The following SLC44A3 variants were observed in gnomAD, a reference collection of about 807,000 sequenced individuals.
The protein encoded by SLC44A3 is choline transporter-like protein 3.
SLC44A3 carries 74 observed loss-of-function variants against 75.4 expected under a neutral mutation model. The observed-to-expected ratio is 0.98, with a 90% confidence interval of 0.81 to 1.19. The LOEUF (loss-of-function observed/expected upper bound fraction) is 1.19. Among genes scored for constraint, SLC44A3 ranks in the 50% most tolerant of loss-of-function variants. SLC44A3 has a pLI of 0.00. For synonymous variants in SLC44A3, 310 were observed against 296.9 expected (o/e 1.04, Z -0.45); for missense variants, 700 against 778.6 (o/e 0.90, Z 1.20).
intron 9 of SLC44A3, among the ~76,000 whole-genome samples, chr1:94,846,662 T>A (rs1287412621): frequency 6.6e-6 from 1 of 152,262 alleles, no homozygotes; most frequent in Non-Finnish European, 1.5e-5. Flanking sequence ...ACTGTCCAGA[T>A]CTTTTCTAAC....
At chr1:94,823,700 T>G (rs950791820) in intron 2 of SLC44A3, among the ~76,000 whole-genome samples, 7 of 152,244 alleles carry the variant, frequency 4.6e-5, no homozygotes, top group African/African-American at 1.7e-4. Flanking sequence ...GAATAGTGTA[T>G]TATATCTGTT....
Position 94,867,362 on chromosome 1 carries a change from G to A in SLC44A3, c.1427G>A (p.Arg476Gln), listed in dbSNP as rs142020864. The change falls in exon 12 of 15, where the codon CGA becomes CAA. Residue 476 changes from arginine (R) to glutamine (Q), a missense_variant. By Grantham distance (43) the Arg-to-Gln change is conservative. Coordinates refer to ENST00000271227, the MANE Select transcript of SLC44A3 (RefSeq NM_001114106.3). ...QHGALSRYLF[R>Q]CCYCCFWCLD... ...GGTGCATTGTCCAGGTACCTGTTCCGATGCTGCTACTGCTGTTTCTGGTGT... is the reference window on the plus strand; with the variant it reads ...GGTGCATTGTCCAGGTACCTGTTCCAATGCTGCTACTGCTGTTTCTGGTGT... 226 of 1,602,262 alleles carry A rather than the reference G, an allele frequency of 1.4e-4. 1 individual carries two copies. The African/African-American group carries it at 2.2e-3, about 15-fold the overall frequency.
chr1:94,888,450 G>A (rs1669838622), intron 12 of SLC44A3, among the ~76,000 whole-genome samples: 1 of 152,012 alleles, frequency 6.6e-6, no homozygotes, highest in African/African-American at 2.4e-5. Flanking sequence ...TGGTCATCAG[G>A]GCTTTGAAAA....
intron 12 of SLC44A3, chr1:94,888,613 C>T: frequency 1.0e-6 from 1 of 977,556 alleles, no homozygotes; most frequent in African/African-American, 1.8e-5. Flanking sequence ...TATGTAAGTC[C>T]AAAACCAAAA....
At chr1:94,892,186 A>T in intron 13 of SLC44A3, 95 bp from the exon 14 acceptor site, 1 of 1,132,138 alleles carries the variant, frequency 8.8e-7, no homozygotes, top group South Asian at 1.5e-5. Flanking sequence ...CACACGTTGC[A>T]CACAGGAACG....
chr1:94,844,441 G>A (rs1036438030), intron 8 of SLC44A3, among the ~76,000 whole-genome samples: 1 of 152,160 alleles, frequency 6.6e-6, no homozygotes. Context: ...AAAGCACAGA[G>A]GAATAGGAGA....
chr1:94,891,181 A>G lies in SLC44A3; in HGVS notation c.1534A>G (p.Lys512Glu). Residue 512 changes from lysine to glutamate, a missense_variant, in exon 13 of 15, where the codon AAA (lysine) becomes GAA (glutamate). Physicochemically the swap from Lys to Glu is moderately conservative, Grantham distance 56. Coordinates refer to ENST00000271227, the MANE Select transcript of SLC44A3 (RefSeq NM_001114106.3). ...TGGGACAGATTTCTGTACATCAGCA[A>G]AAGATGCATTCAAAATCTTGTCCAA... Reference protein sequence around the residue: ...INGTDFCTSAKDAFKILSKNS... With the variant: ...INGTDFCTSAEDAFKILSKNS... The G allele has an allele frequency of 1.2e-6, 2 of 1,613,578 alleles. No individual in the cohort carries two copies.
intron 1 of SLC44A3, 101 bp downstream of exon 1, chr1:94,820,579 G>A: frequency 7.0e-7 from 1 of 1,426,702 alleles, no homozygotes; most frequent in South Asian, 1.4e-5. Flanking sequence ...CGCCTTTCCC[G>A]CGCCTCGGGG....
chr1:94,882,018 T>TAA (rs148290831), intron 12 of SLC44A3, among the ~76,000 whole-genome samples: 5 of 146,712 alleles, frequency 3.4e-5, no homozygotes, highest in Admixed American at 2.0e-4. Flanking sequence ...AGACTCCATC[T>TAA]AAAAAAAAAA....
chr1:94,865,252 A>G (rs996014928), intron 11 of SLC44A3, among the ~76,000 whole-genome samples: 2 of 152,174 alleles, frequency 1.3e-5, no homozygotes, highest in African/African-American at 4.8e-5. Context: ...AACATTTATC[A>G]TGCCTTTTTA....
intron 1 of SLC44A3, 180 bp downstream of exon 1, chr1:94,820,658 G>A (rs1050240472): frequency 1.4e-6 from 2 of 1,385,104 alleles, no homozygotes; most frequent in Non-Finnish European, 1.9e-6. Context: ...CCAGTGCTGG[G>A]GCGGAGGCGG....
At chr1:94,830,738 A>G (rs1662017096) in intron 5 of SLC44A3, among the ~76,000 whole-genome samples, 1 of 152,194 alleles carries the variant, frequency 6.6e-6, no homozygotes, top group Non-Finnish European at 1.5e-5. Context: ...CTACGGATGG[A>G]ATTGAAAGAG....
chr1:94,853,868 T>A (rs1297783539), intron 9 of SLC44A3, among the ~76,000 whole-genome samples: 1 of 151,202 alleles, frequency 6.6e-6, no homozygotes, highest in Non-Finnish European at 1.5e-5. Flanking sequence ...TCTGATTTTT[T>A]TTTTTTTTGC....
intron 9 of SLC44A3, among the ~76,000 whole-genome samples, chr1:94,845,972 C>T (rs1020453572): frequency 6.6e-6 from 1 of 152,034 alleles, no homozygotes; most frequent in African/African-American, 2.4e-5. Context: ...CATGGTGAAA[C>T]CCCGTCTGTA....
chr1:94,849,246 A>AG (rs1243963141), intron 9 of SLC44A3, among the ~76,000 whole-genome samples: 3 of 152,156 alleles, frequency 2.0e-5, no homozygotes, highest in Non-Finnish European at 4.4e-5. Flanking sequence ...AGAACAGTAG[A>AG]GGGGCCAGAA....
chr1:94,894,976 C>T lies in SLC44A3; in HGVS notation c.*54C>T. 1 of 1,423,850 alleles carries T rather than the reference C, an allele frequency of 7.0e-7. No homozygotes were observed. The highest frequency in any genetic ancestry group is 9.7e-7 in the Non-Finnish European group (1 of 1,032,042). 88.2% of individuals were successfully genotyped at this position (1,423,850 alleles called of 1,614,324 possible). ...AACATTTCCTTCTAAGAGCCATTTA[C>T]AGAATAGAAGATGAGACCACTAGAG... On this transcript the variant is annotated 3_prime_UTR_variant, in exon 15 of 15. Transcript: ENST00000271227.
intron 12 of SLC44A3, among the ~76,000 whole-genome samples, chr1:94,881,219 A>T (rs998718656): frequency 2.6e-5 from 4 of 152,194 alleles, no homozygotes; most frequent in African/African-American, 7.2e-5. Context: ...GCAGCCTGGC[A>T]GGGCAGCTCT....
At chr1:94,873,403 G>T (rs569782235) in intron 12 of SLC44A3, among the ~76,000 whole-genome samples, 1 of 152,276 alleles carries the variant, frequency 6.6e-6, no homozygotes, top group East Asian at 1.9e-4. Flanking sequence ...TCTGACTGAT[G>T]AATATACTGG....
At chr1:94,846,163 A>AAG (rs33952952) in intron 9 of SLC44A3, among the ~76,000 whole-genome samples, 1 of 147,274 alleles carries the variant, frequency 6.8e-6, no homozygotes, top group Non-Finnish European at 1.5e-5. Context: ...AAAAAAAAAA[A>AAG]GTGTTATGCC....
Sources: allele counts gnomAD v4.1 joint callset (sites outside exome capture counted in the v4.1 genomes callset), GRCh38; gene constraint gnomAD v4.1.1; transcripts MANE v1.5; gene names NCBI Gene and HGNC (gene_info 2026-07-23, HGNC 2026-07-21).